Variants in SMU1 observed in about 807,000 individuals in gnomAD.
The protein encoded by SMU1 is SMU1 DNA replication regulator and spliceosomal factor, also known as WD40 repeat-containing protein SMU1.
A neutral mutation model predicts 62.0 loss-of-function variants in SMU1; 2 were observed. The ratio of observed to expected loss-of-function variants is 0.03; its 90% CI spans 0.01 to 0.10. The LOEUF is 0.10. Ranked by LOEUF, SMU1 falls within the 10% of genes least tolerant of loss-of-function variation. The pLI is 1.00. For synonymous variants in SMU1, 188 were observed against 212.4 expected (o/e 0.89, Z 1.00); for missense variants, 227 against 622.1 (o/e 0.36, Z 6.76).
chr9:33,051,120 C>CAAAAAA (rs1225817487), intron 10 of SMU1, among the ~76,000 whole-genome samples: 2 of 37,784 alleles, frequency 5.3e-5, no homozygotes, highest in African/African-American at 9.4e-5. Context: ...GACTCTGTCT[C>CAAAAAA]AAAAAAAAAA....
In SMU1 at chr9:33,047,313, G is replaced by A. The variant is rs761103565; in HGVS notation, c.1522C>T (p.Leu508=). Residue 508 remains leucine, a synonymous_variant, in exon 12 of 12, where the codon CTA becomes TTA. Transcript: ENST00000397149. The part of the protein sequence containing the change: ...LIATYSEDGL[L]KLWKP ...TTGAATTATGGTTTCCAGAGCTTTA[G>A]GAGTCCATCTTCACTGTAGGTAGCA... The A allele has an allele frequency of 4.3e-6, 7 of 1,610,518 alleles. No homozygotes were observed. The South Asian group carries it at 7.7e-5, about 18-fold the overall frequency.
At chr9:33,076,536 C>T (rs1042126060) in intron 1 of SMU1, 47 bp downstream of exon 1, 3 of 1,611,814 alleles carry the variant, frequency 1.9e-6, no homozygotes, top group Admixed American at 3.3e-5. Context: ...ACACCCTTAA[C>T]CTCCAGGCCC....
rs772979385 is a variant in SMU1, at chr9:33,076,624, G to T, written c.-16C>A. The T allele has an allele frequency of 6.2e-7, 1 of 1,613,854 alleles. No individual in the cohort carries two copies. The highest frequency in any genetic ancestry group is 1.1e-5 in the South Asian group (1 of 91,084). ...CGATCGACATAGCCGTATCTCTCCG[G>T]GAGCAGGCCCCAGCTCTCCCTCAAG... On this transcript the variant is annotated 5_prime_UTR_variant, in exon 1 of 12. Coordinates refer to ENST00000397149, the MANE Select transcript of SMU1 (RefSeq NM_018225.3).
chr9:33,063,251 A>G (rs558976558), intron 4 of SMU1, among the ~76,000 whole-genome samples: 1 of 152,260 alleles, frequency 6.6e-6, no homozygotes, highest in East Asian at 1.9e-4. Flanking sequence ...AATCCCAGCT[A>G]CTTGGGAGAC....
Position 33,056,212 on chromosome 9 carries a change from G to A in SMU1, c.1023C>T (p.Thr341=). 5 of 1,611,830 alleles carry A rather than the reference G, an allele frequency of 3.1e-6. No homozygotes were observed. The highest frequency in any genetic ancestry group is 3.4e-6 in the Non-Finnish European group (4 of 1,178,780). Residue 341 remains threonine, a synonymous_variant, in exon 9 of 12, where the codon ACC becomes ACT. Coordinates refer to ENST00000397149, the MANE Select transcript of SMU1 (RefSeq NM_018225.3). ...AGGAATGGCCACGAAATTCCTTCAGGGTTTTCCCAGATTTTAAACCATGAA... is the reference window on the plus strand; with the variant it reads ...AGGAATGGCCACGAAATTCCTTCAGAGTTTTCCCAGATTTTAAACCATGAA... ...IRIHGLKSGK[T]LKEFRGHSSF...
At chr9:33,052,083 A>T (rs1839257021) in intron 10 of SMU1, among the ~76,000 whole-genome samples, 1 of 152,182 alleles carries the variant, frequency 6.6e-6, no homozygotes, top group South Asian at 2.1e-4. Context: ...TATACATGTA[A>T]TGAAACTTTA....
chr9:33,043,966 T>C lies in SMU1; in HGVS notation c.*3327A>G, dbSNP rs1020706548. 2 of 144,782 alleles carry C rather than the reference T, an allele frequency of 1.4e-5. No homozygotes were observed. The highest frequency in any genetic ancestry group is 5.2e-5 in the African/African-American group (2 of 38,738). 9.0% of individuals were successfully genotyped at this position (144,782 alleles called of 1,614,324 possible). On this transcript the variant is annotated 3_prime_UTR_variant, in exon 12 of 12. Coordinates refer to ENST00000397149, the MANE Select transcript of SMU1 (RefSeq NM_018225.3). The stretch of plus-strand genomic sequence containing the variant: ...AACTGGTGAAGAAGATACTGAATTG[T>C]ACCTGAGATTTATACCATTTGCTGT...
chr9:33,068,849 G>A lies in SMU1; in HGVS notation c.476C>T (p.Ser159Phe), dbSNP rs755773572. ...LAGEVSVVPP[S>F]RLMALLGQAL... ...CTGTCCCAGCAATGCCATGAGACGAGATGGAGGCACCACACTGACTTCGCC... is the reference window on the plus strand; with the variant it reads ...CTGTCCCAGCAATGCCATGAGACGAAATGGAGGCACCACACTGACTTCGCC... The change falls in exon 4 of 12, where the codon TCT (serine) becomes TTT (phenylalanine). Residue 159 changes from serine to phenylalanine, a missense_variant. Physicochemically the swap from Ser to Phe is radical, Grantham distance 155. This residue lies in a region of SMU1 where 99 missense variants were observed against 270.3 expected (regional missense o/e 0.37). Transcript: ENST00000397149. 1.9e-6 allele frequency: 3 copies of A among 1,614,098 alleles called. No individual in the cohort carries two copies. Among genetic ancestry groups the A allele is most frequent in the Non-Finnish European group, 2.5e-6 (3 of 1,180,022 alleles).
chr9:33,056,062 G>A, intron 9 of SMU1, 51 bp downstream of exon 9: 1 of 1,555,866 alleles, frequency 6.4e-7, no homozygotes, highest in Non-Finnish European at 8.7e-7. Flanking sequence ...ACTCCTCAAA[G>A]GACAAAGATG....
intron 4 of SMU1, among the ~76,000 whole-genome samples, chr9:33,068,110 G>A (rs1273367189): frequency 6.6e-6 from 1 of 152,132 alleles, no homozygotes; most frequent in Non-Finnish European, 1.5e-5. Context: ...ATACTGTGAC[G>A]AGTAAATGGG....
intron 11 of SMU1, 51 bp from the exon 12 acceptor site, chr9:33,047,442 C>T: frequency 6.7e-7 from 1 of 1,490,044 alleles, no homozygotes; most frequent in South Asian, 1.2e-5. Context: ...CAATAAATCA[C>T]TCTGATGAGG....
intron 1 of SMU1, among the ~76,000 whole-genome samples, chr9:33,076,343 C>T (rs1839545649): frequency 2.0e-5 from 3 of 152,198 alleles, no homozygotes. Context: ...CTTAGGTCTG[C>T]AAGGTGTGTT....
Position 33,056,135 on chromosome 9 carries a change from G to A in SMU1, c.1100C>T (p.Ala367Val). ...FTQDGHYIISASSDGTVKIWN... is the reference protein window; with the variant it reads ...FTQDGHYIISVSSDGTVKIWN... ...AACCTTTACAGTGCCATCAGAGGAT[G>A]CACTAATAATGTAATGTCCATCTTG... The change falls in exon 9 of 12, where the codon GCA (alanine) becomes GTA (valine). Residue 367 changes from alanine (A) to valine (V), a missense_variant. Ala to Val is a moderately conservative substitution (Grantham distance 64). This residue lies in a region of SMU1 where 98 missense variants were observed against 195.9 expected (regional missense o/e 0.50). Transcript: ENST00000397149. The A allele has an allele frequency of 1.2e-6, 2 of 1,611,604 alleles. No homozygotes were observed. Among genetic ancestry groups the A allele is most frequent in the East Asian group, 2.2e-5 (1 of 44,818 alleles).
In SMU1 at chr9:33,041,863, G is replaced by A. The variant is rs1839129207; in HGVS notation, c.*5430C>T. The stretch of plus-strand genomic sequence containing the variant: ...AAATAAGCCAGATAAAAAAGGACAA[G>A]TATTGTATAATTTCACTTATATGAA... On this transcript the variant is annotated 3_prime_UTR_variant, in exon 12 of 12. Transcript: ENST00000397149. The A allele has an allele frequency of 6.6e-6, 1 of 151,356 alleles. No homozygotes were observed. Among genetic ancestry groups the A allele is most frequent in the South Asian group, 2.1e-4 (1 of 4,822 alleles). 9.4% of individuals were successfully genotyped at this position (151,356 alleles called of 1,614,324 possible).
chr9:33,074,929 A>C (rs1242669901), intron 1 of SMU1, among the ~76,000 whole-genome samples: 1 of 152,048 alleles, frequency 6.6e-6, no homozygotes, highest in Admixed American at 6.6e-5. Context: ...ATGCACCACC[A>C]CACTGGCTAA....
Position 33,060,611 on chromosome 9 carries a change from A to C in SMU1, c.631-27T>G, listed in dbSNP as rs1259575378. 1.9e-6 allele frequency: 3 copies of C among 1,603,468 alleles called. No homozygotes were observed. In the African/African-American group the frequency reaches 4.0e-5, roughly 22 times the overall value. ...TGTTTCAAATGAAACAATGAAACAG[A>C]TGCATTTTTATCTAGTGGACTTAAA... On this transcript the variant is annotated intron_variant, in intron 5 of 11. Coordinates refer to ENST00000397149, the MANE Select transcript of SMU1 (RefSeq NM_018225.3).
rs762637259 is a variant in SMU1 at position 33,044,129 on chromosome 9, T to C, written c.*3164A>G. ...TGGAATTAATTTTAACGCCAGGTAG[T>C]TTAGCTTCTATGTTAAGTGCTAGAG... On this transcript the variant is annotated 3_prime_UTR_variant, in exon 12 of 12. Coordinates refer to ENST00000397149, the MANE Select transcript of SMU1 (RefSeq NM_018225.3). The C allele has an allele frequency of 6.6e-6, 1 of 152,190 alleles. No individual in the cohort carries two copies. The highest frequency in any genetic ancestry group is 6.5e-5 in the Admixed American group (1 of 15,272). The allele number at this position is 152,190 out of a possible 1,614,324, so 9.4% of individuals were successfully genotyped here. A position where few individuals can be genotyped will look rare whatever the true frequency, so the allele number is the denominator to read the frequency against.
chr9:33,071,450 T>C (rs544446809), intron 3 of SMU1, among the ~76,000 whole-genome samples: 126 of 152,260 alleles, frequency 8.3e-4, no homozygotes, highest in Non-Finnish European at 1.3e-3. Context: ...CGGGGAGGGC[T>C]AATGTGGAAA....
In SMU1 at chr9:33,043,464, G is replaced by A. The variant is rs1386873131; in HGVS notation, c.*3829C>T. On this transcript the variant is annotated 3_prime_UTR_variant, in exon 12 of 12. Coordinates refer to ENST00000397149, the MANE Select transcript of SMU1 (RefSeq NM_018225.3). ...CCACCACCAATTTCTGATTCTGTAG[G>A]TCTGGGATAGGACCTTAGAATGTGT... 1.3e-5 allele frequency: 2 copies of A among 152,188 alleles called. No homozygotes were observed. The highest frequency in any genetic ancestry group is 4.8e-5 in the African/African-American group (2 of 41,440). The allele number at this position is 152,188 out of a possible 1,614,324, so 9.4% of individuals were successfully genotyped here.
Sources: gnomAD v4.1 joint callset for allele counts (sites outside exome capture counted in the v4.1 genomes callset) on GRCh38, gnomAD v4.1.1 for gene constraint, gnomAD v4.1.1 regional missense constraint, MANE v1.5 for transcripts, NCBI Gene and HGNC (gene_info 2026-07-23, HGNC 2026-07-21) for gene names.